SULF1: variants seen among roughly 807,000 people sequenced by gnomAD.
SULF1 encodes sulfatase 1.
SULF1 carries 46 observed loss-of-function variants against 110.5 expected under a neutral mutation model. That is an observed-to-expected ratio of 0.42 (90% CI 0.33 to 0.53). The LOEUF is 0.53. Ranked by LOEUF, SULF1 falls within the 20% of genes least tolerant of loss-of-function variation. The pLI is 0.12. For missense variants in SULF1, 941 were observed against 1,094.2 expected (o/e 0.86, Z 1.98); for synonymous variants, 371 against 387.1 (o/e 0.96, Z 0.49).
chr8:69,629,782 C>A, intron 19 of SULF1, 103 bp downstream of exon 19: 1 of 1,058,612 alleles, frequency 9.4e-7, no homozygotes, highest in Non-Finnish European at 1.4e-6. Context: ...TACAAAGATT[C>A]AAGAGAAAGG....
upstream of SULF1, among the ~76,000 whole-genome samples, chr8:69,489,616 G>A (rs1229231064): frequency 5.9e-5 from 7 of 119,116 alleles, no homozygotes; most frequent in Middle Eastern, 7.1e-3. Flanking sequence ...TTGCTCTGTC[G>A]CCCAGGCTGG....
intron 22 of SULF1, among the ~76,000 whole-genome samples, chr8:69,648,603 G>T (rs1484132558): frequency 6.6e-6 from 1 of 152,202 alleles, no homozygotes; most frequent in African/African-American, 2.4e-5. Flanking sequence ...TGAGGAAGGA[G>T]AGAGCCTGGT....
chr8:69,510,625 T>TGC (rs1811491346), intron 3 of SULF1, among the ~76,000 whole-genome samples: 1 of 151,040 alleles, frequency 6.6e-6, no homozygotes, highest in Non-Finnish European at 1.5e-5. Flanking sequence ...TTTTTGTTTT[T>TGC]TTTTTTTTTG....
At chr8:69,642,897 A>C (rs751112521) in intron 22 of SULF1, among the ~76,000 whole-genome samples, 2 of 152,184 alleles carry the variant, frequency 1.3e-5, no homozygotes, top group East Asian at 3.9e-4. Context: ...ACCACCACTC[A>C]ATCGGCCAGA....
chr8:69,576,344 T>C, intron 6 of SULF1, 135 bp downstream of exon 6: 2 of 1,005,168 alleles, frequency 2.0e-6, no homozygotes, highest in South Asian at 1.6e-5. Flanking sequence ...CTGCTTGACA[T>C]CTACCCCAGG....
chr8:69,624,331 G>C, intron 15 of SULF1, 134 bp downstream of exon 15: 1 of 1,171,538 alleles, frequency 8.5e-7, no homozygotes, highest in Non-Finnish European at 1.2e-6. Context: ...GGCCTATGTA[G>C]CAACTGGGGG....
intron 3 of SULF1, among the ~76,000 whole-genome samples, chr8:69,515,434 T>TG (rs1176663225): frequency 6.6e-6 from 1 of 152,098 alleles, no homozygotes; most frequent in African/African-American, 2.4e-5. Flanking sequence ...CATAGAACAG[T>TG]GGGGCCCTGG....
At chr8:69,529,562 C>T (rs1001870452) in intron 3 of SULF1, among the ~76,000 whole-genome samples, 1 of 152,170 alleles carries the variant, frequency 6.6e-6, no homozygotes, top group Non-Finnish European at 1.5e-5. Flanking sequence ...GTGGGAGCGG[C>T]TTGGCTGGAT....
chr8:69,490,323 G>A (rs1037449413), upstream of SULF1, among the ~76,000 whole-genome samples: 3 of 151,772 alleles, frequency 2.0e-5, no homozygotes, highest in South Asian at 2.1e-4. Context: ...TGCTAGTCTC[G>A]AACTTCTGGC....
upstream of SULF1, among the ~76,000 whole-genome samples, chr8:69,489,144 G>A (rs2583092): frequency 0.13 from 20,276 of 152,042 alleles, 1,595 homozygotes; most frequent in African/African-American, 0.23. Context: ...GATTTTAGGC[G>A]TTACAAGCCG....
intron 14 of SULF1, among the ~76,000 whole-genome samples, chr8:69,621,492 A>G (rs1390614195): frequency 2.0e-5 from 3 of 152,276 alleles, no homozygotes; most frequent in Non-Finnish European, 4.4e-5. Flanking sequence ...CCAGATGCAA[A>G]ACATATGCAC....
chr8:69,582,308 C>T lies in SULF1; in HGVS notation c.413-4049C>T, dbSNP rs574228315. ...ACCTCCGAAGAGATATTTTCAAGTG[C>T]ACAAGTGCAGAACTCTAGTGCGAGA... On this transcript the variant is annotated intron_variant, in intron 6 of 22. Coordinates refer to ENST00000402687, the MANE Select transcript of SULF1 (RefSeq NM_001128205.2). 9.9e-5 allele frequency among the ~76,000 whole-genome samples: 15 copies of T among 152,262 alleles called. No homozygotes were observed. In the South Asian group the frequency reaches 2.7e-3, roughly 27 times the overall value.
chr8:69,470,257 T>G (rs1299078576), intron 1 of SULF1, among the ~76,000 whole-genome samples: 1 of 152,106 alleles, frequency 6.6e-6, no homozygotes, highest in East Asian at 1.9e-4. Flanking sequence ...GATGGTCGCT[T>G]TTATCATTAT....
chr8:69,596,586 G>A (rs1807348494), intron 8 of SULF1, among the ~76,000 whole-genome samples: 1 of 152,228 alleles, frequency 6.6e-6, no homozygotes, highest in Non-Finnish European at 1.5e-5. Flanking sequence ...TAGGAAGAAA[G>A]GATATATCAA....
rs757756737 is a variant in SULF1, at chr8:69,627,272, C to A, written c.1913C>A (p.Ala638Glu). 2 of 1,614,010 alleles carry A rather than the reference C, an allele frequency of 1.2e-6. No individual in the cohort carries two copies. Among genetic ancestry groups the A allele is most frequent in the South Asian group, 1.1e-5 (1 of 91,082 alleles). ...CERELYQSARAWKDHKAYIDK... is the reference protein window; with the variant it reads ...CERELYQSAREWKDHKAYIDK... ...AGAGAACTGTACCAATCGGCCAGAG[C>A]GTGGAAGGACCATAAGGCATACATT... is the stretch of plus-strand genomic sequence containing the variant. Residue 638 changes from alanine (A) to glutamate (E), a missense_variant, in exon 16 of 23, where the codon GCG (alanine) becomes GAG (glutamate). Ala to Glu is a moderately radical substitution (Grantham distance 107, BLOSUM62 -1). Around this residue, in one of 3 missense-constraint regions of SULF1, gnomAD observed 822 missense variants for 934.3 expected, o/e 0.88. Transcript: ENST00000402687.
At chr8:69,510,845 G>A (rs1811507921) in intron 3 of SULF1, among the ~76,000 whole-genome samples, 1 of 151,818 alleles carries the variant, frequency 6.6e-6, no homozygotes, top group African/African-American at 2.4e-5. Flanking sequence ...TCGAACTCCT[G>A]ACCTCAAGTG....
At position 69,475,445 on chromosome 8, in the gene SULF1, C is replaced by T. The variant is rs111785674; in HGVS notation, c.-391+8495C>T. On this transcript the variant is annotated intron_variant, in intron 1 of 22. Coordinates refer to the SULF1 transcript ENST00000260128. Reference sequence around the variant, plus strand: ...AAAAAATGTTGTCTATTCCCATCGACGCAGTGGGAATAAGGAAAGGATGGG... The same window carrying T: ...AAAAAATGTTGTCTATTCCCATCGATGCAGTGGGAATAAGGAAAGGATGGG... 1.6e-3 allele frequency among the ~76,000 whole-genome samples: 241 copies of T among 151,854 alleles called. 1 individual carries two copies. The highest frequency in any genetic ancestry group is 5.4e-3 in the African/African-American group (223 of 41,372).
At chr8:69,567,858 T>C (rs910102949) in intron 5 of SULF1, among the ~76,000 whole-genome samples, 7 of 152,134 alleles carry the variant, frequency 4.6e-5, no homozygotes, top group Non-Finnish European at 1.0e-4. Flanking sequence ...TACCCAGAAG[T>C]GGAATTGCTG....
intron 13 of SULF1, among the ~76,000 whole-genome samples, chr8:69,609,390 C>G (rs974794462): frequency 1.3e-4 from 20 of 152,130 alleles, no homozygotes; most frequent in Non-Finnish European, 2.8e-4. Context: ...ATAAACTCAC[C>G]TGGGTGGCAC....
Sources: allele counts gnomAD v4.1 joint callset (sites outside exome capture counted in the v4.1 genomes callset), GRCh38; gene constraint gnomAD v4.1.1; regional missense constraint gnomAD v4.1.1; transcripts MANE v1.5; gene names NCBI Gene and HGNC (gene_info 2026-07-23, HGNC 2026-07-21).